The following KCNT2 variants were observed in gnomAD, a reference collection of about 807,000 sequenced individuals.
KCNT2 encodes the protein potassium sodium-activated channel subfamily T member 2.
In KCNT2, 67 loss-of-function variants were observed where a neutral mutation model predicts 153.8. That is an observed-to-expected ratio of 0.44 (90% CI 0.36 to 0.53). KCNT2 has a LOEUF of 0.53. KCNT2 is among the 20% of genes least tolerant of loss of function. KCNT2 has a pLI of 0.00. For synonymous variants in KCNT2, 500 were observed against 458.8 expected, an observed-to-expected ratio of 1.09 and a Z score of -1.15; for missense variants, 975 against 1,354.8, an observed-to-expected ratio of 0.72 and a Z score of 4.40.
intron 1 of KCNT2, among the ~76,000 whole-genome samples, chr1:196,514,224 G>A (rs1681871417): frequency 6.6e-6 from 1 of 152,166 alleles, no homozygotes; most frequent in African/African-American, 2.4e-5. Flanking sequence ...TACATTTGCT[G>A]AGTGTTGAAT....
chr1:196,426,932 A>G (rs1331705356), intron 10 of KCNT2, among the ~76,000 whole-genome samples: 3 of 151,958 alleles, frequency 2.0e-5, no homozygotes, highest in East Asian at 3.9e-4. Flanking sequence ...ACACGTGACC[A>G]TAAGTTTCCT....
intron 4 of KCNT2, among the ~76,000 whole-genome samples, chr1:196,480,204 A>G (rs1678889100): frequency 6.6e-6 from 1 of 152,188 alleles, no homozygotes; most frequent in African/African-American, 2.4e-5. Flanking sequence ...ATATAAACAA[A>G]AAGTGTCTCA....
chr1:196,305,203 A>C (rs1483144584), intron 22 of KCNT2, 31 bp downstream of exon 22: 1 of 1,229,108 alleles, frequency 8.1e-7, no homozygotes, highest in Non-Finnish European at 1.2e-6. Context: ...AGATGGTTAA[A>C]TCTAATTTAC....
At chr1:196,501,504 T>C (rs983865966) in intron 1 of KCNT2, among the ~76,000 whole-genome samples, 3 of 152,198 alleles carry the variant, frequency 2.0e-5, no homozygotes, top group African/African-American at 7.2e-5. Context: ...GAAAGTCATA[T>C]ATTGCATATC....
At chr1:196,560,699 TC>T (rs67258919) in intron 1 of KCNT2, among the ~76,000 whole-genome samples, 72,582 of 151,606 alleles carry the variant, frequency 0.48, 19,724 homozygotes, top group Middle Eastern at 0.73. Flanking sequence ...TGATGTTTTT[TC>T]TTCCCCCCTC....
intron 8 of KCNT2, among the ~76,000 whole-genome samples, chr1:196,463,200 C>A (rs1677303832): frequency 6.6e-6 from 1 of 151,782 alleles, no homozygotes. Context: ...TTCTATTTTA[C>A]ATTGTGTATG....
chr1:196,273,491 G>A, intron 25 of KCNT2: 1 of 1,529,778 alleles, frequency 6.5e-7, no homozygotes, highest in Non-Finnish European at 8.8e-7. Context: ...TTTCGAGACT[G>A]ACACAACGGG....
intron 20 of KCNT2, 36 bp downstream of exon 20, chr1:196,319,448 T>C (rs773578646): frequency 7.5e-6 from 11 of 1,462,676 alleles, no homozygotes; most frequent in Non-Finnish European, 1.1e-5. Flanking sequence ...CACAGGACAC[T>C]ACACTAGTTA....
At chr1:196,349,111 C>A (rs1308368958) in intron 14 of KCNT2, among the ~76,000 whole-genome samples, 1 of 152,002 alleles carries the variant, frequency 6.6e-6, no homozygotes, top group East Asian at 1.9e-4. Flanking sequence ...GTTTATTATC[C>A]TTGACATTTT....
intron 14 of KCNT2, among the ~76,000 whole-genome samples, chr1:196,349,641 G>C (rs1181362444): frequency 6.6e-6 from 1 of 151,988 alleles, no homozygotes; most frequent in Non-Finnish European, 1.5e-5. Context: ...TTGTGGAGTA[G>C]ATGGGGTACT....
At chr1:196,363,782 A>G (rs1667819081) in intron 14 of KCNT2, among the ~76,000 whole-genome samples, 1 of 152,150 alleles carries the variant, frequency 6.6e-6, no homozygotes, top group Non-Finnish European at 1.5e-5. Context: ...ACTCAGTCTC[A>G]GGTATTCTGT....
intron 23 of KCNT2, 139 bp from the exon 24 acceptor site, chr1:196,282,495 A>T (rs1170959872): frequency 5.8e-6 from 3 of 516,246 alleles, no homozygotes; most frequent in African/African-American, 2.0e-5. Context: ...CTCCATACAA[A>T]AGTAAATTTA....
intron 22 of KCNT2, among the ~76,000 whole-genome samples, chr1:196,299,080 C>T (rs1204992133): frequency 2.0e-5 from 3 of 151,842 alleles, no homozygotes; most frequent in Non-Finnish European, 4.4e-5. Flanking sequence ...CAGATACACA[C>T]ATTAATAAAA....
chr1:196,482,486 C>A, intron 3 of KCNT2, 107 bp from the exon 4 acceptor site: 1 of 523,246 alleles, frequency 1.9e-6, no homozygotes, highest in Non-Finnish European at 3.3e-6. Flanking sequence ...CATAAAAAGA[C>A]AAAATATCAA....
intron 1 of KCNT2, among the ~76,000 whole-genome samples, chr1:196,541,789 A>T (rs573294332): frequency 9.9e-4 from 150 of 152,212 alleles, no homozygotes; most frequent in African/African-American, 3.4e-3. Context: ...ACTATTAACC[A>T]CTAGGACATG....
chr1:196,392,190 T>C (rs1670551513), intron 13 of KCNT2, among the ~76,000 whole-genome samples: 1 of 151,030 alleles, frequency 6.6e-6, no homozygotes, highest in Non-Finnish European at 1.5e-5. Flanking sequence ...GAGAATATGG[T>C]TTTTTTTAAT....
intron 23 of KCNT2, among the ~76,000 whole-genome samples, chr1:196,283,652 G>C (rs1659341251): frequency 6.6e-6 from 1 of 151,936 alleles, no homozygotes; most frequent in African/African-American, 2.4e-5. Flanking sequence ...ATTGACAGTA[G>C]ATCAAAAGTC....
chr1:196,242,799 T>G (rs1386818387), intron 26 of KCNT2, among the ~76,000 whole-genome samples: 1 of 152,164 alleles, frequency 6.6e-6, no homozygotes, highest in Admixed American at 6.6e-5. Flanking sequence ...TCAGAATAAG[T>G]GTCAGGAATC....
At chr1:196,580,731 C>A (rs1389133043) in intron 1 of KCNT2, among the ~76,000 whole-genome samples, 1 of 152,072 alleles carries the variant, frequency 6.6e-6, no homozygotes, top group Non-Finnish European at 1.5e-5. Context: ...AGTTAGACTG[C>A]TAAATCCTTA....
Sources: allele counts gnomAD v4.1 joint callset (sites outside exome capture counted in the v4.1 genomes callset), GRCh38; gene constraint gnomAD v4.1.1; transcripts MANE v1.5; gene names NCBI Gene and HGNC (gene_info 2026-07-23, HGNC 2026-07-21).